The following ARHGAP6 variants were observed in gnomAD, a reference collection of about 807,000 sequenced individuals.
ARHGAP6 encodes Rho GTPase activating protein 6, also known as rho GTPase-activating protein 6.
In ARHGAP6, 16 loss-of-function variants were observed where a neutral mutation model predicts 55.7. The observed-to-expected ratio is 0.29, with a 90% CI of 0.19 to 0.44. The LOEUF is 0.44. Among genes scored for constraint, ARHGAP6 ranks in the 20% least tolerant of loss-of-function variants. The pLI is 1.00. For missense variants in ARHGAP6, 698 were observed against 808.9 expected (o/e 0.86, Z 1.66); for synonymous variants, 382 against 360.9 (o/e 1.06, Z -0.66).
intron 10 of ARHGAP6, among the ~76,000 whole-genome samples, chrX:11,147,707 A>G (rs1321103617): frequency 8.9e-6 from 1 of 112,886 alleles, no homozygotes; most frequent in African/African-American, 3.2e-5. Flanking sequence ...AAGATTTTCC[A>G]TATAAAAATC....
intron 10 of ARHGAP6, among the ~76,000 whole-genome samples, chrX:11,147,283 T>C (rs1338673804): frequency 9.3e-6 from 1 of 107,774 alleles, no homozygotes; most frequent in Admixed American, 9.9e-5. Flanking sequence ...AAATATGACA[T>C]AGACATGTAC....
At chrX:11,626,649 T>A (rs765126184) in intron 1 of ARHGAP6, among the ~76,000 whole-genome samples, 16 of 111,644 alleles carry the variant, frequency 1.4e-4, no homozygotes, top group African/African-American at 4.9e-4. Flanking sequence ...TATATCTGCA[T>A]CTCATTGTAT....
chrX:11,309,959 C>T (rs1184029188), intron 1 of ARHGAP6, among the ~76,000 whole-genome samples: 1 of 109,711 alleles, frequency 9.1e-6, no homozygotes, highest in Admixed American at 9.8e-5. Flanking sequence ...CGAGATCAAC[C>T]TGAGCAACAT....
intron 1 of ARHGAP6, among the ~76,000 whole-genome samples, chrX:11,561,483 T>C (rs1041381704): frequency 8.9e-6 from 1 of 112,076 alleles, no homozygotes; most frequent in African/African-American, 3.2e-5. Flanking sequence ...TGCTATCACT[T>C]GTCTCTGGGT....
At chrX:11,535,444 C>T (rs1039949663) in intron 1 of ARHGAP6, among the ~76,000 whole-genome samples, 7 of 112,011 alleles carry the variant, frequency 6.2e-5, no homozygotes, top group African/African-American at 1.9e-4. Context: ...TACTGAAGAG[C>T]GCTTCATCCT....
At chrX:11,578,025 G>GA (rs988224889) in intron 1 of ARHGAP6, among the ~76,000 whole-genome samples, 1 of 110,312 alleles carries the variant, frequency 9.1e-6, no homozygotes, top group African/African-American at 3.3e-5. Flanking sequence ...AATTTTGAAG[G>GA]AAAAAAAAGA....
chrX:11,259,184 C>A, intron 1 of ARHGAP6, among the ~76,000 whole-genome samples: 1 of 111,536 alleles, frequency 9.0e-6, no homozygotes, highest in African/African-American at 3.3e-5. Context: ...TACTCTCTAT[C>A]CATGAGTTCA....
chrX:11,490,028 G>C (rs1437074916), intron 1 of ARHGAP6, among the ~76,000 whole-genome samples: 1 of 111,460 alleles, frequency 9.0e-6, no homozygotes, highest in African/African-American at 3.3e-5. Context: ...AAACAAGGTA[G>C]TGAGTTAAAC....
intron 1 of ARHGAP6, among the ~76,000 whole-genome samples, chrX:11,456,360 A>G (rs769188928): frequency 6.2e-4 from 69 of 111,847 alleles, no homozygotes; most frequent in South Asian, 1.1e-3. Context: ...TGCTAAGGAA[A>G]GGGTCCAAGT....
At chrX:11,339,259 C>G (rs939661176) in intron 1 of ARHGAP6, among the ~76,000 whole-genome samples, 5 of 111,897 alleles carry the variant, frequency 4.5e-5, no homozygotes, top group African/African-American at 1.6e-4. Flanking sequence ...ATCTGAGAAC[C>G]AAAATCTCTG....
chrX:11,265,983 CTGAG>C (rs2047617276), intron 1 of ARHGAP6: 3 of 931,100 alleles, frequency 3.2e-6, no homozygotes, highest in Non-Finnish European at 2.7e-6. Flanking sequence ...GGCTGTGTCC[CTGAG>C]TAAGTGCACA....
chrX:11,392,578 G>T (rs917052167), intron 1 of ARHGAP6, among the ~76,000 whole-genome samples: 5 of 111,531 alleles, frequency 4.5e-5, no homozygotes, highest in Non-Finnish European at 9.4e-5. Flanking sequence ...TAGCATTTTG[G>T]AGGAGGCTTT....
intron 9 of ARHGAP6, among the ~76,000 whole-genome samples, chrX:11,162,888 C>T (rs978887712): frequency 2.7e-5 from 3 of 112,239 alleles, no homozygotes; most frequent in South Asian, 3.6e-4. Context: ...AATTAAACAA[C>T]GTTTTCATTT....
At chrX:11,234,300 T>C (rs1439169968) in intron 2 of ARHGAP6, among the ~76,000 whole-genome samples, 2 of 112,344 alleles carry the variant, frequency 1.8e-5, no homozygotes, top group Non-Finnish European at 1.9e-5. Context: ...CACTAGTTCA[T>C]ACCTCTCTGA....
intron 1 of ARHGAP6, among the ~76,000 whole-genome samples, chrX:11,653,759 C>A (rs193256251): frequency 2.5e-3 from 279 of 111,691 alleles, no homozygotes; most frequent in Middle Eastern, 4.6e-3. Flanking sequence ...CAAAACAGAG[C>A]TGGGATTTAA....
intron 1 of ARHGAP6, among the ~76,000 whole-genome samples, chrX:11,547,723 T>TA (rs2051225195): frequency 8.9e-6 from 1 of 111,983 alleles, no homozygotes; most frequent in African/African-American, 3.2e-5. Flanking sequence ...TCCACCTCAA[T>TA]AAAAAAGGCA....
chrX:11,504,083 C>T (rs1168165701), intron 1 of ARHGAP6, among the ~76,000 whole-genome samples: 1 of 110,868 alleles, frequency 9.0e-6, no homozygotes, highest in Non-Finnish European at 1.9e-5. Context: ...AGAACTGTTT[C>T]TTTTTTTCTC....
chrX:11,467,232 A>G lies in ARHGAP6; in HGVS notation c.588+197009T>C, dbSNP rs777579694. Reference sequence around the variant, plus strand: ...GGCGGGAGGATTGCTTGATCCCAGGAGTTCGAGACCAGCCTGGGCAACATG... The same window carrying G: ...GGCGGGAGGATTGCTTGATCCCAGGGGTTCGAGACCAGCCTGGGCAACATG... On this transcript the variant is annotated intron_variant, in intron 1 of 12. Transcript: ENST00000337414. Among the ~76,000 whole-genome samples, 3 of 111,183 alleles carry G rather than the reference A, an allele frequency of 2.7e-5. No individual in the cohort carries two copies. The East Asian group carries it at 8.5e-4, about 32-fold the overall frequency.
chrX:11,242,524 G>A (rs1371598969), intron 2 of ARHGAP6, among the ~76,000 whole-genome samples: 1 of 111,998 alleles, frequency 8.9e-6, no homozygotes, highest in East Asian at 2.8e-4. Flanking sequence ...CTAGGAGCTA[G>A]TATGTCCTTC....
Sources: allele counts gnomAD v4.1 joint callset (sites outside exome capture counted in the v4.1 genomes callset), GRCh38; gene constraint gnomAD v4.1.1; transcripts MANE v1.5; gene names NCBI Gene and HGNC (gene_info 2026-07-23, HGNC 2026-07-21).